The following LRRC4C variants were observed in gnomAD, a reference collection of about 807,000 sequenced individuals.
LRRC4C encodes leucine-rich repeat-containing protein 4C.
A neutral mutation model predicts 33.6 loss-of-function variants in LRRC4C; 5 were observed. The observed-to-expected ratio is 0.15, with a 90% CI of 0.08 to 0.31. LRRC4C has a LOEUF of 0.31. LRRC4C is among the 10% of genes least tolerant of loss of function. LRRC4C has a pLI of 1.00. For synonymous variants in LRRC4C, 329 were observed against 302.0 expected (o/e 1.09, Z -0.93); for missense variants, 560 against 796.7 (o/e 0.70, Z 3.58).
At chr11:40,972,011 G>GT (rs1196099343) in intron 1 of LRRC4C, among the ~76,000 whole-genome samples, 1 of 151,704 alleles carries the variant, frequency 6.6e-6, no homozygotes, top group Non-Finnish European at 1.5e-5. Context: ...TAACTAACTT[G>GT]TTTTTTATTT....
intron 5 of LRRC4C, among the ~76,000 whole-genome samples, chr11:40,164,424 G>A (rs751820730): frequency 2.0e-5 from 3 of 152,114 alleles, no homozygotes; most frequent in Admixed American, 6.5e-5. Context: ...TGTATTTTTA[G>A]TAGAGATGGG....
chr11:40,646,517 C>T (rs1359129500), intron 3 of LRRC4C, among the ~76,000 whole-genome samples: 1 of 152,154 alleles, frequency 6.6e-6, no homozygotes, highest in Non-Finnish European at 1.5e-5. Context: ...GAAACAACAT[C>T]CTTCCCTGTG....
At chr11:40,482,681 G>A (rs184892590) in intron 3 of LRRC4C, among the ~76,000 whole-genome samples, 337 of 152,142 alleles carry the variant, frequency 2.2e-3, no homozygotes, top group African/African-American at 7.9e-3. Flanking sequence ...TGTTGCCCAA[G>A]GCTGGTTGCA....
At chr11:41,158,653 C>T (rs1295391398) in intron 1 of LRRC4C, among the ~76,000 whole-genome samples, 3 of 152,108 alleles carry the variant, frequency 2.0e-5, no homozygotes, top group Non-Finnish European at 2.9e-5. Context: ...CAAAAACTAT[C>T]ACTCATGCCT....
chr11:41,414,592 A>T (rs2138253301), intron 1 of LRRC4C, among the ~76,000 whole-genome samples: 1 of 152,098 alleles, frequency 6.6e-6, no homozygotes, highest in Admixed American at 6.5e-5. Flanking sequence ...AAGTTGCTCC[A>T]GGAGTCCTGG....
intron 1 of LRRC4C, among the ~76,000 whole-genome samples, chr11:41,123,429 C>T (rs1022001137): frequency 6.7e-6 from 1 of 150,128 alleles, no homozygotes; most frequent in Non-Finnish European, 1.5e-5. Context: ...CCCGCCACTA[C>T]GCCCGGCTAA....
At chr11:40,245,972 C>CCTT (rs1194665215) in intron 4 of LRRC4C, among the ~76,000 whole-genome samples, 6 of 132,108 alleles carry the variant, frequency 4.5e-5, no homozygotes, top group African/African-American at 5.4e-5. Context: ...AAAGTCCTAA[C>CCTT]TTTTTTTTTT....
intron 1 of LRRC4C, among the ~76,000 whole-genome samples, chr11:41,357,079 C>T (rs1565608905): frequency 6.6e-6 from 1 of 151,956 alleles, no homozygotes; most frequent in African/African-American, 2.4e-5. Context: ...TTTATTTGCA[C>T]CCTACACACA....
chr11:40,196,143 G>A (rs986630366), intron 5 of LRRC4C, among the ~76,000 whole-genome samples: 15 of 152,096 alleles, frequency 9.9e-5, no homozygotes, highest in African/African-American at 1.9e-4. Flanking sequence ...TTTGCTTCTC[G>A]TGGATAAGGA....
intron 2 of LRRC4C, among the ~76,000 whole-genome samples, chr11:40,784,358 A>G (rs1267114984): frequency 6.6e-6 from 1 of 152,156 alleles, no homozygotes; most frequent in East Asian, 1.9e-4. Flanking sequence ...GCCTTCTCTA[A>G]TAAAGTTCCG....
At chr11:41,188,130 C>T (rs1444648143) in intron 1 of LRRC4C, among the ~76,000 whole-genome samples, 1 of 151,952 alleles carries the variant, frequency 6.6e-6, no homozygotes, top group Non-Finnish European at 1.5e-5. Flanking sequence ...AGATACCCTC[C>T]CCTTCCTCTC....
At chr11:41,371,733 T>A (rs1224669426) in intron 1 of LRRC4C, among the ~76,000 whole-genome samples, 2 of 152,242 alleles carry the variant, frequency 1.3e-5, no homozygotes, top group African/African-American at 4.8e-5. Context: ...AAAACTTTGC[T>A]GAACTCCTAC....
chr11:41,073,694 G>T (rs558321216), intron 1 of LRRC4C, among the ~76,000 whole-genome samples: 2 of 152,272 alleles, frequency 1.3e-5, no homozygotes, highest in Admixed American at 1.3e-4. Context: ...AGCTTATATT[G>T]GTTCTCAGTT....
intron 1 of LRRC4C, among the ~76,000 whole-genome samples, chr11:41,309,595 T>G (rs1445192237): frequency 1.3e-5 from 2 of 152,198 alleles, no homozygotes; most frequent in Non-Finnish European, 2.9e-5. Flanking sequence ...TGAATTGAGG[T>G]GCAGTACAAG....
intron 1 of LRRC4C, among the ~76,000 whole-genome samples, chr11:41,376,199 C>T (rs899046423): frequency 6.6e-6 from 1 of 151,966 alleles, no homozygotes; most frequent in Non-Finnish European, 1.5e-5. Flanking sequence ...TATAAACACC[C>T]ATTGCACTCT....
intron 3 of LRRC4C, among the ~76,000 whole-genome samples, chr11:40,329,981 T>G (rs1200787244): frequency 6.6e-6 from 1 of 152,090 alleles, no homozygotes; most frequent in Non-Finnish European, 1.5e-5. Flanking sequence ...GACCTCGTGA[T>G]CCACCCACTT....
At chr11:40,631,142 G>C (rs1963448096) in intron 3 of LRRC4C, among the ~76,000 whole-genome samples, 1 of 152,164 alleles carries the variant, frequency 6.6e-6, no homozygotes, top group African/African-American at 2.4e-5. Flanking sequence ...AGAGAAAGCT[G>C]CTTTTGGCTT....
At chr11:40,420,589 G>A (rs1950488925) in intron 3 of LRRC4C, among the ~76,000 whole-genome samples, 1 of 152,190 alleles carries the variant, frequency 6.6e-6, no homozygotes. Context: ...ATCTGGCAGA[G>A]AAACTGAGTG....
chr11:40,190,765 TG>T (rs1400266322), intron 5 of LRRC4C, among the ~76,000 whole-genome samples: 5 of 152,174 alleles, frequency 3.3e-5, no homozygotes, highest in African/African-American at 1.2e-4. Context: ...GTTATACTCA[TG>T]TGTCTAGCCT....
Sources: gnomAD v4.1 joint callset for allele counts (sites outside exome capture counted in the v4.1 genomes callset) on GRCh38, gnomAD v4.1.1 for gene constraint, MANE v1.5 for transcripts, NCBI Gene and HGNC (gene_info 2026-07-23, HGNC 2026-07-21) for gene names.